NOTCH4: variants seen among roughly 807,000 people sequenced by gnomAD.
NOTCH4 encodes the protein neurogenic locus notch homolog protein 4.
In NOTCH4, 138 loss-of-function variants were observed where a neutral mutation model predicts 189.0. That is an observed-to-expected ratio of 0.73 (90% CI 0.64 to 0.84). The LOEUF (loss-of-function observed/expected upper bound fraction) is 0.84. Among genes scored for constraint, NOTCH4 ranks in the 40% least tolerant of loss-of-function variants. NOTCH4 has a pLI of 0.00. For missense variants in NOTCH4, 2,286 were observed against 2,605.4 expected (o/e 0.88, Z 2.67); for synonymous variants, 942 against 1,032.8 (o/e 0.91, Z 1.69).
intron 28 of NOTCH4, among the ~76,000 whole-genome samples, 180 bp from the exon 29 acceptor site, chr6:32,196,601 T>C (rs1399247477): frequency 6.6e-6 from 1 of 152,024 alleles, no homozygotes; most frequent in Non-Finnish European, 1.5e-5. Context: ...ACGTCACCAG[T>C]GCGCGGGAGG....
chr6:32,203,105 T>C (rs1455492673), intron 20 of NOTCH4: 2 of 152,344 alleles, frequency 1.3e-5, no homozygotes, highest in African/African-American at 2.4e-5. Flanking sequence ...GGTTTCTCCA[T>C]GTTTGTCAGG....
At position 32,221,025 on chromosome 6, in the gene NOTCH4, A is replaced by C. The variant is rs1789737128; in HGVS notation, c.752T>G (p.Leu251Arg). 1 of 1,608,094 alleles carries C rather than the reference A, an allele frequency of 6.2e-7. No individual in the cohort carries two copies. Among genetic ancestry groups the C allele is most frequent in the African/African-American group, 1.3e-5 (1 of 74,472 alleles). ...AAAGGTGGAGTCTTTCTCTGGCATC[A>C]GCTGGCAGGTGCCCCCATTCGAACA... is the stretch of plus-strand genomic sequence containing the variant. ...RGCSNGGTCQ[L>R]MPEKDSTFHL... Residue 251 changes from leucine (L) to arginine (R), a missense_variant, in exon 4 of 30, where the codon CTG becomes CGG. Physicochemically the swap from Leu to Arg is moderately radical, Grantham distance 102. Coordinates refer to ENST00000375023, the MANE Select transcript of NOTCH4 (RefSeq NM_004557.4). This position sits in a 1 kb window ranked among gnomAD's most constrained non-coding sequence, Gnocchi z 4.3.
intron 18 of NOTCH4, among the ~76,000 whole-genome samples, chr6:32,209,026 A>T (rs1788857683): frequency 6.6e-6 from 1 of 152,276 alleles, no homozygotes. Context: ...ATGAATGGAA[A>T]AAAGAAACTG....
At chr6:32,213,039 G>A in intron 15 of NOTCH4, 96 bp downstream of exon 15, 3 of 1,257,244 alleles carry the variant, frequency 2.4e-6, no homozygotes, top group Admixed American at 3.5e-5. Flanking sequence ...ACGAGGTGTG[G>A]GGTGGGAGGC....
In NOTCH4 at chr6:32,201,093, C is replaced by A; in HGVS notation, c.4139+24G>T. The stretch of plus-strand genomic sequence containing the variant: ...CCTCTTAAAAAAACTGGTGTCTGGC[C>A]CTTCCCTCCACCTAGCTTCTTACCC... On this transcript the variant is annotated intron_variant, in intron 22 of 29. Coordinates refer to ENST00000375023, the MANE Select transcript of NOTCH4 (RefSeq NM_004557.4). The surrounding 1 kb of genome is among the most constrained non-coding windows in gnomAD (Gnocchi z 5.5). The A allele has an allele frequency of 6.3e-7, 1 of 1,592,250 alleles. No individual in the cohort carries two copies. Among genetic ancestry groups the A allele is most frequent in the South Asian group, 1.1e-5 (1 of 87,884 alleles).
intron 11 of NOTCH4, 94 bp downstream of exon 11, chr6:32,216,851 C>T (rs1310637757): frequency 1.5e-6 from 2 of 1,370,676 alleles, no homozygotes; most frequent in South Asian, 2.3e-5. Flanking sequence ...TCTATTCTCA[C>T]ATCCCAACCA....
intron 18 of NOTCH4, among the ~76,000 whole-genome samples, chr6:32,209,002 A>G (rs1180458436): frequency 1.3e-5 from 2 of 152,252 alleles, no homozygotes; most frequent in Non-Finnish European, 2.9e-5. Context: ...AATTAACTGA[A>G]GTGCCATCAA....
At chr6:32,216,590 A>G in intron 11 of NOTCH4, 1 of 399,680 alleles carries the variant, frequency 2.5e-6, no homozygotes, top group Non-Finnish European at 4.7e-6. Flanking sequence ...TATTAGACTT[A>G]AAGTCACATG....
In NOTCH4 at chr6:32,201,364, C is replaced by A. The variant is rs1405820353; in HGVS notation, c.3892G>T (p.Ala1298Ser). 1 of 1,599,150 alleles carries A rather than the reference C, an allele frequency of 6.3e-7. No individual in the cohort carries two copies. The highest frequency in any genetic ancestry group is 1.1e-5 in the South Asian group (1 of 89,512). Residue 1298 changes from alanine to serine, a missense_variant, in exon 22 of 30, where the codon GCC becomes TCC. Physicochemically the swap from Ala to Ser is moderately conservative, Grantham distance 99. This residue lies in a region of NOTCH4 where 1,903 missense variants were observed against 2,261.9 expected (regional missense o/e 0.84). Transcript: ENST00000375023. The surrounding 1 kb of genome is among the most constrained non-coding windows in gnomAD (Gnocchi z 5.5). ...DGDPEWGPSL[A>S]LLVVLSPPAL... is the part of the protein sequence containing the mutation. ...GGGGGGCTCAGTACCACCAGCAGGGCCAGGGAGGGCCCCCACTCTGGGTCC... is the reference window on the plus strand; with the variant it reads ...GGGGGGCTCAGTACCACCAGCAGGGACAGGGAGGGCCCCCACTCTGGGTCC...
At position 32,199,206 on chromosome 6, in the gene NOTCH4, G is replaced by A; in HGVS notation, c.4316-61C>T. 1.6e-6 allele frequency: 2 copies of A among 1,289,256 alleles called. No individual in the cohort carries two copies. The highest frequency in any genetic ancestry group is 2.1e-6 in the Non-Finnish European group (2 of 948,558). 79.9% of individuals were successfully genotyped at this position (1,289,256 alleles called of 1,614,324 possible). A position where few individuals can be genotyped will look rare whatever the true frequency, so the allele number is the denominator to read the frequency against. On this transcript the variant is annotated intron_variant, in intron 23 of 29. Coordinates refer to ENST00000375023, the MANE Select transcript of NOTCH4 (RefSeq NM_004557.4). The surrounding 1 kb of genome is among the most constrained non-coding windows in gnomAD (Gnocchi z 4.9). Reference sequence around the variant, plus strand: ...TCCTGGTGAGACTGATTACTATTGGGAGACCTTTGGACAAGTTTAGTAGCC... The same window carrying A: ...TCCTGGTGAGACTGATTACTATTGGAAGACCTTTGGACAAGTTTAGTAGCC...
At position 32,214,202 on chromosome 6, in the gene NOTCH4, A is replaced by G. The variant is rs1232949552; in HGVS notation, c.2075T>C (p.Leu692Pro). Reference protein sequence around the residue: ...GWTGPECEAELGGCISAPCAH... With the variant: ...GWTGPECEAEPGGCISAPCAH... ...ACAGGGTGCAGAGATGCAGCCCCCT[A>G]GCTCTGCCTCACACTCTGGCCCCGT... The change falls in exon 13 of 30, where the codon CTA becomes CCA. Residue 692 changes from leucine (L) to proline (P), a missense_variant. Leu to Pro is a moderately conservative substitution (Grantham distance 98). Transcript: ENST00000375023. 1.2e-5 allele frequency: 20 copies of G among 1,613,506 alleles called. No individual in the cohort carries two copies. Among genetic ancestry groups the G allele is most frequent in the Non-Finnish European group, 1.4e-5 (17 of 1,179,838 alleles).
chr6:32,196,279 T>C (rs767097574), intron 29 of NOTCH4, 45 bp downstream of exon 29: 1 of 1,613,076 alleles, frequency 6.2e-7, no homozygotes, highest in African/African-American at 1.3e-5. Flanking sequence ...TTTCCATCTC[T>C]CGTGCGCCTG....
chr6:32,223,232 C>T, intron 1 of NOTCH4, 146 bp from the exon 2 acceptor site: 1 of 687,556 alleles, frequency 1.5e-6, no homozygotes. Flanking sequence ...CCACTCTCCA[C>T]ATGGTACCCA....
rs937602034 is a variant in NOTCH4 at position 32,198,760 on chromosome 6, A to G, written c.4536-30T>C. The G allele has an allele frequency of 3.2e-6, 5 of 1,586,444 alleles. No individual in the cohort carries two copies. The African/African-American group carries it at 5.4e-5, about 17-fold the overall frequency. ...AAAGGAATGGGTGGGTAGAGGTTAC[A>G]CGGAATTATGACCATCAGGGTCTCC... On this transcript the variant is annotated intron_variant, in intron 24 of 29. Coordinates refer to ENST00000375023, the MANE Select transcript of NOTCH4 (RefSeq NM_004557.4). The surrounding 1 kb of genome is among the most constrained non-coding windows in gnomAD (Gnocchi z 5.5).
Position 32,212,702 on chromosome 6 carries a change from C to T in NOTCH4, c.2527-75G>A, listed in dbSNP as rs1789102595. ...CCCAGAGATGGTCCTCTGCCCACTCCAGCTCCTCGAAATCCCTTACTTCAA... is the reference window on the plus strand; with the variant it reads ...CCCAGAGATGGTCCTCTGCCCACTCTAGCTCCTCGAAATCCCTTACTTCAA... On this transcript the variant is annotated intron_variant, in intron 16 of 29. Transcript: ENST00000375023. The surrounding 1 kb of genome is among the most constrained non-coding windows in gnomAD (Gnocchi z 4.4). 2.6e-6 allele frequency: 4 copies of T among 1,525,386 alleles called. No individual in the cohort carries two copies. The highest frequency in any genetic ancestry group is 3.5e-6 in the Non-Finnish European group (4 of 1,128,824). 94.5% of individuals were successfully genotyped at this position (1,525,386 alleles called of 1,614,324 possible).
chr6:32,222,644 G>A lies in NOTCH4; in HGVS notation c.318C>T (p.Leu106=). The A allele has an allele frequency of 6.2e-7, 1 of 1,607,502 alleles. No homozygotes were observed. The highest frequency in any genetic ancestry group is 8.5e-7 in the Non-Finnish European group (1 of 1,177,940). Residue 106 remains leucine, a synonymous_variant, in exon 3 of 30, where the codon CTC becomes CTT. Transcript: ENST00000375023. ...PLTPSFLCTC[L]PGFTGERCQA... is the part of the protein sequence containing the mutation. ...GGCATCTCTCACCAGTGAAGCCAGG[G>A]AGGCAAGTGCACAAGAAGCTGGGTG...
rs542451054 is a variant in NOTCH4, at chr6:32,221,585, C to T, written c.452-260G>A. On this transcript the variant is annotated intron_variant, in intron 3 of 29. Coordinates refer to ENST00000375023, the MANE Select transcript of NOTCH4 (RefSeq NM_004557.4). The surrounding 1 kb of genome is among the most constrained non-coding windows in gnomAD (Gnocchi z 4.3). The stretch of plus-strand genomic sequence containing the variant: ...TGGCCTTGCCTGAGAAAATCTGGGA[C>T]GTGGGTGATCTTGGGGGAGGTGAAA... Among the ~76,000 whole-genome samples the T allele has an allele frequency of 1.3e-4, 20 of 152,172 alleles. 1 individual carries two copies. In the East Asian group the frequency reaches 1.7e-3, roughly 13 times the overall value.
rs1442757977 is a variant in NOTCH4, at chr6:32,212,656, G to A, written c.2527-29C>T. 1.3e-6 allele frequency: 2 copies of A among 1,592,056 alleles called. No homozygotes were observed. Among genetic ancestry groups the A allele is most frequent in the Non-Finnish European group, 1.7e-6 (2 of 1,169,466 alleles). On this transcript the variant is annotated intron_variant, in intron 16 of 29. Coordinates refer to ENST00000375023, the MANE Select transcript of NOTCH4 (RefSeq NM_004557.4). This position sits in a 1 kb window ranked among gnomAD's most constrained non-coding sequence, Gnocchi z 4.4. Reference sequence around the variant, plus strand: ...AGGGGTGGGAGGGAGCGTGAGGCAGGACATAGCATCAGATTCTCAGCCCAG... The same window carrying A: ...AGGGGTGGGAGGGAGCGTGAGGCAGAACATAGCATCAGATTCTCAGCCCAG...
chr6:32,201,266 C>T lies in NOTCH4; in HGVS notation c.3990G>A (p.Arg1330=). ...CCATGTCCCTGCCATCACGATCCTT[C>T]CTTACCCAGAGTCCTACCCTCAGAG... ...SLTLRVGLWV[R]KDRDGRDMVY... The change falls in exon 22 of 30, where the codon AGG becomes AGA. Residue 1330 remains arginine, a synonymous_variant. Coordinates refer to ENST00000375023, the MANE Select transcript of NOTCH4 (RefSeq NM_004557.4). The surrounding 1 kb of genome is among the most constrained non-coding windows in gnomAD (Gnocchi z 5.5). 6.2e-7 allele frequency: 1 copy of T among 1,613,078 alleles called. No homozygotes were observed. The highest frequency in any genetic ancestry group is 8.5e-7 in the Non-Finnish European group (1 of 1,180,024).
Sources: allele counts gnomAD v4.1 joint callset (sites outside exome capture counted in the v4.1 genomes callset), GRCh38; gene constraint gnomAD v4.1.1; regional missense constraint gnomAD v4.1.1; non-coding constraint Gnocchi (gnomAD v3.1); transcripts MANE v1.5; gene names NCBI Gene and HGNC (gene_info 2026-07-23, HGNC 2026-07-21).